Variants in ROBO2 observed in about 807,000 individuals in gnomAD.
ROBO2 encodes roundabout homolog 2.
A neutral mutation model predicts 160.8 loss-of-function variants in ROBO2; 53 were observed. The ratio of observed to expected loss-of-function variants is 0.33; its 90% confidence interval spans 0.26 to 0.41. The LOEUF (loss-of-function observed/expected upper bound fraction) is 0.41. Ranked by LOEUF, ROBO2 falls within the 10% of genes least tolerant of loss-of-function variation. The pLI is 1.00. For synonymous variants in ROBO2, 664 were observed against 611.7 expected (o/e 1.09, Z -1.26); for missense variants, 1,577 against 1,722.4 (o/e 0.92, Z 1.49).
intron 2 of ROBO2, among the ~76,000 whole-genome samples, chr3:76,494,671 A>T (rs2080039679): frequency 6.6e-6 from 1 of 152,100 alleles, no homozygotes. Flanking sequence ...TCTTTAAGTG[A>T]CTTTAGCACA....
intron 2 of ROBO2, among the ~76,000 whole-genome samples, chr3:76,424,500 C>T (rs1368728408): frequency 6.6e-6 from 1 of 152,022 alleles, no homozygotes; most frequent in Non-Finnish European, 1.5e-5. Context: ...CTGCCAGGAG[C>T]TGGGGGCAGG....
chr3:77,336,974 G>A lies in ROBO2; in HGVS notation c.389-140440G>A, dbSNP rs147831478. 1.1e-4 allele frequency among the ~76,000 whole-genome samples: 17 copies of A among 152,218 alleles called. No individual in the cohort carries two copies. In the East Asian group the frequency reaches 3.1e-3, roughly 28 times the overall value. ...ATGTCTCCAGGATAAAATAATGTCT[G>A]TATTCAACAAATATCTGGAAATAAA... On this transcript the variant is annotated intron_variant, in intron 2 of 25. Transcript: ENST00000461745.
chr3:77,269,585 A>C (rs2059355538), intron 2 of ROBO2, among the ~76,000 whole-genome samples: 1 of 150,556 alleles, frequency 6.6e-6, no homozygotes, highest in South Asian at 2.2e-4. Context: ...ATTCCAATGA[A>C]AACATGGTTG....
intron 4 of ROBO2, among the ~76,000 whole-genome samples, chr3:77,488,002 G>A (rs911817206): frequency 2.0e-5 from 3 of 152,076 alleles, no homozygotes; most frequent in African/African-American, 7.2e-5. Flanking sequence ...GAGATACTAT[G>A]CAACCACATT....
chr3:77,237,185 T>TTC (rs1002389308), intron 2 of ROBO2, among the ~76,000 whole-genome samples: 7 of 127,876 alleles, frequency 5.5e-5, no homozygotes, highest in Admixed American at 3.3e-4. Context: ...TGACCTTTCT[T>TTC]TTTTTTTTTT....
intron 2 of ROBO2, among the ~76,000 whole-genome samples, chr3:76,937,706 T>C (rs1205699106): frequency 6.6e-6 from 1 of 152,146 alleles, no homozygotes; most frequent in Non-Finnish European, 1.5e-5. Context: ...CTCTGCATTT[T>C]AACCTAAGCA....
At chr3:76,165,676 T>G (rs1378505599) in intron 2 of ROBO2, among the ~76,000 whole-genome samples, 2 of 152,146 alleles carry the variant, frequency 1.3e-5, no homozygotes, top group Non-Finnish European at 2.9e-5. Flanking sequence ...TAGCTTTTGA[T>G]TTAAAGTGGG....
intron 2 of ROBO2, among the ~76,000 whole-genome samples, chr3:76,783,089 T>A (rs2062754353): frequency 6.6e-6 from 1 of 150,772 alleles, no homozygotes; most frequent in Non-Finnish European, 1.5e-5. Flanking sequence ...ATATAAAACT[T>A]GATAGTTGAA....
intron 2 of ROBO2, among the ~76,000 whole-genome samples, chr3:77,152,226 G>A (rs530592819): frequency 2.0e-5 from 3 of 152,080 alleles, no homozygotes; most frequent in African/African-American, 7.2e-5. Flanking sequence ...GTAGAATAAC[G>A]GAAGTACAAT....
chr3:76,853,177 A>C (rs1445588693), intron 2 of ROBO2, among the ~76,000 whole-genome samples: 1 of 152,112 alleles, frequency 6.6e-6, no homozygotes, highest in East Asian at 1.9e-4. Flanking sequence ...CTTAATATTT[A>C]GTTTCTTATT....
intron 2 of ROBO2, among the ~76,000 whole-genome samples, chr3:76,835,887 C>G (rs1179409459): frequency 1.3e-5 from 2 of 151,974 alleles, no homozygotes; most frequent in African/African-American, 4.8e-5. Flanking sequence ...AACTTTTCAA[C>G]TATGAGCTCT....
chr3:77,592,752 G>C (rs897785400), intron 17 of ROBO2, among the ~76,000 whole-genome samples: 4 of 151,828 alleles, frequency 2.6e-5, no homozygotes, highest in Admixed American at 2.0e-4. Context: ...GGGTTTCACC[G>C]TCTTGGCCAG....
chr3:76,881,868 C>T (rs1406165982), intron 2 of ROBO2, among the ~76,000 whole-genome samples: 1 of 152,160 alleles, frequency 6.6e-6, no homozygotes, highest in Non-Finnish European at 1.5e-5. Flanking sequence ...GGCTTTCATG[C>T]CTTCCCTTGT....
chr3:76,677,958 C>CTTTTTTTT lies in ROBO2; in HGVS notation c.110-420034_110-420027dup. The stretch of plus-strand genomic sequence containing the variant: ...TTCTCTCACAGAGAAAGAAAATATG[C>CTTTTTTTT]TTTTTTTTTTTTTTTTTTTTTTTTT... On this transcript the variant is annotated intron_variant, in intron 2 of 26. Coordinates refer to the ROBO2 transcript ENST00000487694. Among the ~76,000 whole-genome samples, 64 of 29,398 alleles carry CTTTTTTTT rather than the reference C, an allele frequency of 2.2e-3. 14 individuals carry two copies. The highest frequency in any genetic ancestry group is 5.0e-3 in the African/African-American group (38 of 7,664). 19.3% of individuals were successfully genotyped at this position (29,398 alleles called of 152,430 possible).
intron 2 of ROBO2, among the ~76,000 whole-genome samples, chr3:76,655,098 A>G (rs1458396448): frequency 2.0e-5 from 3 of 150,860 alleles, no homozygotes; most frequent in Non-Finnish European, 3.0e-5. Flanking sequence ...TTTAAATTTT[A>G]TGAATAGTAT....
chr3:76,977,795 T>G (rs924166191), intron 2 of ROBO2, among the ~76,000 whole-genome samples: 3 of 152,178 alleles, frequency 2.0e-5, no homozygotes, highest in Non-Finnish European at 2.9e-5. Context: ...TACACAGAAC[T>G]AGGATCTAAT....
chr3:75,926,471 A>ATT (rs1947297224), intron 1 of ROBO2, among the ~76,000 whole-genome samples: 1 of 152,030 alleles, frequency 6.6e-6, no homozygotes, highest in Non-Finnish European at 1.5e-5. Flanking sequence ...AATTGAAATT[A>ATT]TTTTTCGGTA....
chr3:76,669,482 C>A (rs1222168786), intron 2 of ROBO2, among the ~76,000 whole-genome samples: 2 of 152,108 alleles, frequency 1.3e-5, no homozygotes, highest in East Asian at 3.9e-4. Context: ...AACGTGCAAC[C>A]AGGAAACCAG....
At chr3:76,124,101 G>A (rs561081470) in intron 2 of ROBO2, among the ~76,000 whole-genome samples, 90 of 91,990 alleles carry the variant, frequency 9.8e-4, no homozygotes, top group Non-Finnish European at 2.0e-3. Context: ...TGTCAAGAAA[G>A]ATGAATAAGA....
Sources: gnomAD v4.1 joint callset for allele counts (sites outside exome capture counted in the v4.1 genomes callset) on GRCh38, gnomAD v4.1.1 for gene constraint, MANE v1.5 for transcripts, NCBI Gene and HGNC (gene_info 2026-07-23, HGNC 2026-07-21) for gene names.